Variants in MAPK9 observed in about 807,000 individuals in gnomAD.
The protein encoded by MAPK9 is Jun kinase.
A neutral mutation model predicts 57.1 loss-of-function variants in MAPK9; 30 were observed. The observed-to-expected ratio is 0.53, with a 90% CI of 0.39 to 0.71. The LOEUF (loss-of-function observed/expected upper bound fraction) is 0.71, where lower values mean the gene tolerates loss of function less well. Among genes scored for constraint, MAPK9 ranks in the 30% least tolerant of loss-of-function variants. The pLI is 0.00. For missense variants in MAPK9, 362 were observed against 521.0 expected (o/e 0.69, Z 2.97); for synonymous variants, 155 against 177.0 (o/e 0.88, Z 0.99).
At chr5:180,265,959 T>C (rs34678786) in intron 3 of MAPK9, among the ~76,000 whole-genome samples, 7 of 151,982 alleles carry the variant, frequency 4.6e-5, no homozygotes, top group Non-Finnish European at 8.8e-5. Context: ...GAAAATCTTT[T>C]CTAAACATGA....
At chr5:180,238,572 A>G (rs4700729) in intron 10 of MAPK9, among the ~76,000 whole-genome samples, 169 bp from the exon 11 acceptor site, 145,421 of 150,664 alleles carry the variant, frequency 0.97, 70,212 homozygotes, top group Non-Finnish European at 0.97. Context: ...AAATATTCAT[A>G]TTTTGATACA....
At chr5:180,281,975 A>G (rs1375887397) in intron 1 of MAPK9, among the ~76,000 whole-genome samples, 1 of 152,212 alleles carries the variant, frequency 6.6e-6, no homozygotes, top group Non-Finnish European at 1.5e-5. Flanking sequence ...GGAGCAATCT[A>G]GGGCTGAGTG....
At chr5:180,286,071 C>T (rs2127631029) in intron 1 of MAPK9, among the ~76,000 whole-genome samples, 1 of 115,290 alleles carries the variant, frequency 8.7e-6, no homozygotes, top group African/African-American at 3.0e-5. Context: ...CAGAGCGAGA[C>T]TCCGTCTCAA....
intron 6 of MAPK9, chr5:180,248,028 G>T: frequency 9.2e-7 from 1 of 1,090,684 alleles, no homozygotes; most frequent in East Asian, 2.5e-5. Flanking sequence ...GCTTGCCGGC[G>T]GGAGCCTCTG....
At chr5:180,245,438 A>G (rs997916636) in intron 7 of MAPK9, among the ~76,000 whole-genome samples, 2 of 152,158 alleles carry the variant, frequency 1.3e-5, no homozygotes, top group African/African-American at 4.8e-5. Context: ...GGCACCCAGA[A>G]ATGGGCAGGT....
intron 4 of MAPK9, among the ~76,000 whole-genome samples, chr5:180,263,860 C>G (rs925085919): frequency 2.0e-5 from 3 of 152,102 alleles, no homozygotes; most frequent in African/African-American, 4.8e-5. Context: ...CCCCCGCCAC[C>G]ACGCCCGGCT....
chr5:180,274,301 T>C (rs940591175), intron 2 of MAPK9, among the ~76,000 whole-genome samples: 7 of 152,208 alleles, frequency 4.6e-5, no homozygotes, highest in Non-Finnish European at 7.3e-5. Context: ...ACCCTGCATC[T>C]TGCAAAAGGG....
At chr5:180,267,370 G>A (rs1293033181) in intron 3 of MAPK9, among the ~76,000 whole-genome samples, 1 of 151,844 alleles carries the variant, frequency 6.6e-6, no homozygotes, top group Non-Finnish European at 1.5e-5. Flanking sequence ...GACCATCCTG[G>A]CTAACATGGT....
chr5:180,285,689 G>A lies in MAPK9; in HGVS notation c.-47-5081C>T, dbSNP rs565899787. On this transcript the variant is annotated intron_variant, in intron 1 of 11. Transcript: ENST00000452135. ...TGTAATCCCAGCACTGTGGGAGGCC[G>A]AAGGTGGGAGGATCACTTAAGCCCA... 2.9e-3 allele frequency among the ~76,000 whole-genome samples: 434 copies of A among 152,228 alleles called. 2 individuals carry two copies. The highest frequency in any genetic ancestry group is 4.6e-3 in the Non-Finnish European group (316 of 68,022).
rs560341390 is a variant in MAPK9, at chr5:180,248,794, G to T, written c.616+179C>A. Among the ~76,000 whole-genome samples the T allele has an allele frequency of 2.0e-5, 3 of 152,322 alleles. No homozygotes were observed. The South Asian group carries it at 6.2e-4, about 32-fold the overall frequency. On this transcript the variant is annotated intron_variant, in intron 6 of 11. Transcript: ENST00000452135. Reference sequence around the variant, plus strand: ...TAAAAGTGAATTTTTAAAAGAGAATGATTTTAACCAATGGAAAAACACAAT... The same window carrying T: ...TAAAAGTGAATTTTTAAAAGAGAATTATTTTAACCAATGGAAAAACACAAT...
chr5:180,242,068 A>G (rs1272852675), intron 8 of MAPK9, among the ~76,000 whole-genome samples: 1 of 152,214 alleles, frequency 6.6e-6, no homozygotes, highest in African/African-American at 2.4e-5. Flanking sequence ...AGGCTCACCT[A>G]GGTTTTGTCA....
chr5:180,279,449 GA>G (rs1762119168), intron 2 of MAPK9, among the ~76,000 whole-genome samples: 6 of 152,076 alleles, frequency 3.9e-5, no homozygotes, highest in Admixed American at 3.9e-4. Flanking sequence ...CGCCAGGGCT[GA>G]AAAAAACAAC....
chr5:180,236,153 T>C lies in MAPK9; in HGVS notation c.*231A>G, dbSNP rs1253316419. The C allele has an allele frequency of 1.9e-5, 7 of 377,822 alleles. No homozygotes were observed. The highest frequency in any genetic ancestry group is 2.8e-5 in the Non-Finnish European group (6 of 212,282). 23.4% of individuals were successfully genotyped at this position (377,822 alleles called of 1,614,324 possible). A position where few individuals can be genotyped will look rare whatever the true frequency, so the allele number is the denominator to read the frequency against. ...TACTCTAACTGCTCACCTGAAATGA[T>C]CTTGAACAAAATCTCTAGAAGTGTG... On this transcript the variant is annotated 3_prime_UTR_variant, in exon 12 of 12. Transcript: ENST00000452135.
chr5:180,267,308 T>C (rs550815048), intron 3 of MAPK9, among the ~76,000 whole-genome samples: 1 of 152,082 alleles, frequency 6.6e-6, no homozygotes, highest in South Asian at 2.1e-4. Context: ...ACGCCTGTAA[T>C]CCCAGCACTT....
rs1336227607 is a variant in MAPK9, at chr5:180,291,878, A to AGGGCGGGC, written c.-86_-79dup. On this transcript the variant is annotated 5_prime_UTR_variant, in exon 1 of 12. Transcript: ENST00000452135. ...CTCCCCGCCGCCGCGCCACGGGGAG[A>AGGGCGGGC]GGGCGGGCGGGCGGACTGGCGGCGC... 1 of 145,464 alleles carries AGGGCGGGC rather than the reference A, an allele frequency of 6.9e-6. No individual in the cohort carries two copies. Among genetic ancestry groups the AGGGCGGGC allele is most frequent in the South Asian group, 1.8e-4 (1 of 5,476 alleles). The allele number at this position is 145,464 out of a possible 1,614,324, so 9.0% of individuals were successfully genotyped here.
intron 2 of MAPK9, 127 bp from the exon 3 acceptor site, chr5:180,269,536 A>C: frequency 1.1e-6 from 1 of 881,028 alleles, no homozygotes; most frequent in South Asian, 1.7e-5. Flanking sequence ...ATTTCATTCA[A>C]GGTACTTGCA....
At chr5:180,261,946 T>C (rs907172508) in intron 4 of MAPK9, 124 bp from the exon 5 acceptor site, 1 of 713,446 alleles carries the variant, frequency 1.4e-6, no homozygotes, top group Non-Finnish European at 2.1e-6. Context: ...TAACTTGGTA[T>C]AATGGAACTT....
chr5:180,261,917 A>G, intron 4 of MAPK9, 95 bp from the exon 5 acceptor site: 1 of 1,040,908 alleles, frequency 9.6e-7, no homozygotes, highest in African/African-American at 1.6e-5. Flanking sequence ...CAATCACTGC[A>G]CTGGCTAAAG....
intron 3 of MAPK9, among the ~76,000 whole-genome samples, chr5:180,268,430 T>C (rs4700730): frequency 0.33 from 49,481 of 152,180 alleles, 8,383 homozygotes; most frequent in Non-Finnish European, 0.36. Context: ...TCCTATTTTA[T>C]AGAAACAGAG....
Sources: gnomAD v4.1 joint callset for allele counts (sites outside exome capture counted in the v4.1 genomes callset) on GRCh38, gnomAD v4.1.1 for gene constraint, MANE v1.5 for transcripts, NCBI Gene and HGNC (gene_info 2026-07-23, HGNC 2026-07-21) for gene names.